UNC80: variants seen among roughly 807,000 people sequenced by gnomAD.
The protein encoded by UNC80 is protein unc-80 homolog.
Under a neutral mutation model 384.6 loss-of-function variants are expected in UNC80, and 164 were observed. The observed-to-expected ratio is 0.43, with a 90% CI of 0.38 to 0.49. UNC80 has a LOEUF of 0.49. Ranked by LOEUF, UNC80 falls within the 20% of genes least tolerant of loss-of-function variation. The pLI, the probability that UNC80 is intolerant of heterozygous loss-of-function variation, is 0.00. For synonymous variants in UNC80, 1,486 were observed against 1,527.8 expected, an observed-to-expected ratio of 0.97 and a Z score of 0.64; for missense variants, 3,330 against 4,143.0, an observed-to-expected ratio of 0.80 and a Z score of 5.39.
intron 4 of UNC80, 27 bp from the exon 5 acceptor site, chr2:209,786,039 G>T: frequency 6.2e-7 from 1 of 1,609,156 alleles, no homozygotes; most frequent in South Asian, 1.1e-5. Flanking sequence ...GTCAGTTATT[G>T]GACATATATC....
rs2076598476 is a variant in UNC80, at chr2:209,771,994, G to A, written c.-79G>A. Reference sequence around the variant, plus strand: ...GGGAAGGAGGGGATGAGAGTTGGGAGCAGCGGGAGGAGGCGGCGGCGGCGG... The same window carrying A: ...GGGAAGGAGGGGATGAGAGTTGGGAACAGCGGGAGGAGGCGGCGGCGGCGG... On this transcript the variant is annotated 5_prime_UTR_variant, in exon 1 of 65. Transcript: ENST00000673920. 4 of 1,042,706 alleles carry A rather than the reference G, an allele frequency of 3.8e-6. No homozygotes were observed. The highest frequency in any genetic ancestry group is 1.6e-5 in the African/African-American group (1 of 62,348). The allele number at this position is 1,042,706 out of a possible 1,614,324, so 64.6% of individuals were successfully genotyped here.
At chr2:209,967,843 G>A (rs1233945641) in intron 52 of UNC80, 5 of 475,132 alleles carry the variant, frequency 1.1e-5, no homozygotes, top group African/African-American at 2.0e-5. Context: ...AAGTATATGT[G>A]CTCATCTTGA....
chr2:209,818,025 C>T (rs2079869571), intron 11 of UNC80, 73 bp downstream of exon 11: 2 of 1,496,282 alleles, frequency 1.3e-6, no homozygotes, highest in Non-Finnish European at 1.8e-6. Flanking sequence ...CACCATGTTA[C>T]TTTCCCATTG....
At chr2:209,854,305 G>T (rs1337181640) in intron 22 of UNC80, among the ~76,000 whole-genome samples, 1 of 151,090 alleles carries the variant, frequency 6.6e-6, no homozygotes, top group Admixed American at 6.6e-5. Flanking sequence ...TTTTTAAAAA[G>T]AGTCTAACTA....
intron 3 of UNC80, among the ~76,000 whole-genome samples, chr2:209,776,785 A>G (rs1489771732): frequency 2.6e-5 from 4 of 152,208 alleles, no homozygotes; most frequent in Non-Finnish European, 5.9e-5. Context: ...GCACATGTGC[A>G]TAAGAACTAT....
chr2:209,926,779 A>G, intron 35 of UNC80, 64 bp from the exon 36 acceptor site: 1 of 1,535,312 alleles, frequency 6.5e-7, no homozygotes, highest in Non-Finnish European at 8.8e-7. Flanking sequence ...CTATCTCAAA[A>G]CAACAGTAGC....
chr2:209,958,476 T>G (rs1210556973), intron 49 of UNC80, among the ~76,000 whole-genome samples: 1 of 152,254 alleles, frequency 6.6e-6, no homozygotes, highest in Non-Finnish European at 1.5e-5. Context: ...TCATTATTCA[T>G]GTAAAGTTAA....
chr2:209,794,943 G>C (rs190052309), intron 7 of UNC80: 1 of 348,876 alleles, frequency 2.9e-6, no homozygotes, highest in Admixed American at 3.5e-5. Flanking sequence ...CAGTAGAGTG[G>C]GGCATTGCTG....
At chr2:209,878,683 C>A (rs1250075801) in intron 24 of UNC80, among the ~76,000 whole-genome samples, 2 of 152,076 alleles carry the variant, frequency 1.3e-5, no homozygotes, top group African/African-American at 2.4e-5. Flanking sequence ...CAAAAAGATT[C>A]CTATTACATC....
At chr2:209,945,682 G>T (rs10170096) in intron 46 of UNC80, among the ~76,000 whole-genome samples, 165 bp from the exon 47 acceptor site, 7 of 152,096 alleles carry the variant, frequency 4.6e-5, no homozygotes, top group Non-Finnish European at 8.8e-5. Flanking sequence ...ACAGAATTTC[G>T]TTCCCTTGAG....
At chr2:209,905,433 T>C (rs768681181) in intron 29 of UNC80, among the ~76,000 whole-genome samples, 6 of 151,864 alleles carry the variant, frequency 4.0e-5, no homozygotes, top group Non-Finnish European at 7.4e-5. Flanking sequence ...GAGAAGGAAA[T>C]GTCTTGAGAA....
chr2:209,950,283 A>G (rs569190124), intron 47 of UNC80, among the ~76,000 whole-genome samples: 1 of 152,078 alleles, frequency 6.6e-6, no homozygotes, highest in East Asian at 1.9e-4. Context: ...TTTTCTATTT[A>G]ATTTAAGTAC....
Position 209,956,395 on chromosome 2 carries a change from A to G in UNC80, c.7458-1249A>G, listed in dbSNP as rs563493027. On this transcript the variant is annotated intron_variant, in intron 48 of 64. Transcript: ENST00000673920. ...AGGCACTGGGGAAGAATGAACTTCC[A>G]AGCTCATTCAATTTTTTGGCAGAAT... Among the ~76,000 whole-genome samples, 13 of 7,996 alleles carry G rather than the reference A, an allele frequency of 1.6e-3. No homozygotes were observed. The East Asian group carries it at 0.053, about 33-fold the overall frequency. The allele number at this position is 7,996 out of a possible 152,430, so 5.2% of individuals were successfully genotyped here. A position where few individuals can be genotyped will look rare whatever the true frequency, so the allele number is the denominator to read the frequency against.
intron 61 of UNC80, among the ~76,000 whole-genome samples, chr2:209,988,273 C>G (rs191931862): frequency 2.0e-5 from 3 of 152,244 alleles, no homozygotes; most frequent in African/African-American, 7.2e-5. Context: ...CTCTACATTT[C>G]TCTAAACCAT....
Position 209,918,612 on chromosome 2 carries a change from G to A in UNC80, c.5292G>A (p.Trp1764Ter). ...MPSVPMFDPP[W>*]VPQCSGSVQD... is the part of the protein sequence containing the mutation. ...CCGTCCCAATGTTTGACCCACCGTG[G>A]GTTCCTCAGTGCAGCGGGAGTGTCC... The change falls in exon 33 of 65, where the codon TGG (tryptophan) becomes TGA (stop). Residue 1764 changes from tryptophan (W) to a stop codon, truncating the protein, a stop_gained. Coordinates refer to ENST00000673920, the MANE Select transcript of UNC80 (RefSeq NM_001371986.1). LOFTEE classifies it high-confidence loss of function. The A allele has an allele frequency of 6.4e-7, 1 of 1,551,974 alleles. No homozygotes were observed. Among genetic ancestry groups the A allele is most frequent in the Non-Finnish European group, 8.7e-7 (1 of 1,147,054 alleles).
chr2:209,941,697 C>G (rs557049028), intron 44 of UNC80, among the ~76,000 whole-genome samples: 14 of 152,298 alleles, frequency 9.2e-5, no homozygotes, highest in African/African-American at 2.4e-4. Flanking sequence ...TTGGGATATG[C>G]TTTCCCATTT....
At chr2:209,913,251 T>A (rs1221665008) in intron 30 of UNC80, among the ~76,000 whole-genome samples, 1 of 152,208 alleles carries the variant, frequency 6.6e-6, no homozygotes, top group Non-Finnish European at 1.5e-5. Context: ...GAATGTGAAA[T>A]GATGATGACT....
At chr2:209,931,087 G>A in intron 38 of UNC80, 33 bp downstream of exon 38, 2 of 1,450,296 alleles carry the variant, frequency 1.4e-6, no homozygotes, top group Non-Finnish European at 1.9e-6. Context: ...CAATTACGAA[G>A]CAGCACCATG....
chr2:209,849,525 G>A lies in UNC80; in HGVS notation c.3529G>A (p.Ala1177Thr). 6.4e-7 allele frequency: 1 copy of A among 1,551,034 alleles called. No individual in the cohort carries two copies. Among genetic ancestry groups the A allele is most frequent in the Non-Finnish European group, 8.7e-7 (1 of 1,146,562 alleles). ...AAGCAAAAACGTGGTGAATCTTGGA[G>A]CAATCCGACAAGGCATGAAACGCTT... ...GKSKNVVNLG[A>T]IRQGMKRFQF... Residue 1177 changes from alanine to threonine, a missense_variant, in exon 22 of 65, where the codon GCA (alanine) becomes ACA (threonine). Physicochemically the swap from Ala to Thr is moderately conservative, Grantham distance 58. Coordinates refer to ENST00000673920, the MANE Select transcript of UNC80 (RefSeq NM_001371986.1).
Sources: allele counts gnomAD v4.1 joint callset (sites outside exome capture counted in the v4.1 genomes callset), GRCh38; gene constraint gnomAD v4.1.1; transcripts MANE v1.5; gene names NCBI Gene and HGNC (gene_info 2026-07-23, HGNC 2026-07-21).